SPIRE1: variants seen among roughly 807,000 people sequenced by gnomAD.
SPIRE1 encodes protein spire homolog 1.
In SPIRE1, 40 loss-of-function variants were observed where a neutral mutation model predicts 94.1. That is an observed-to-expected ratio of 0.43 (90% CI 0.33 to 0.55). The LOEUF (loss-of-function observed/expected upper bound fraction) is 0.55, where lower values mean the gene tolerates loss of function less well. Among genes scored for constraint, SPIRE1 ranks in the 20% least tolerant of loss-of-function variants. SPIRE1 has a pLI of 0.06. For missense variants in SPIRE1, 838 were observed against 975.2 expected, an observed-to-expected ratio of 0.86 and a Z score of 1.87; for synonymous variants, 376 against 371.7, an observed-to-expected ratio of 1.01 and a Z score of -0.13.
In SPIRE1 at chr18:12,525,311, T is replaced by G. The variant is rs952117454; in HGVS notation, c.729+10165A>C. Among the ~76,000 whole-genome samples, 10 of 141,266 alleles carry G rather than the reference T, an allele frequency of 7.1e-5. 1 individual carries two copies. Among genetic ancestry groups the G allele is most frequent in the Admixed American group, 1.4e-4 (2 of 13,970 alleles). The allele number at this position is 141,266 out of a possible 152,430, so 92.7% of individuals were successfully genotyped here. On this transcript the variant is annotated intron_variant, in intron 4 of 16. Transcript: ENST00000409402. ...AAAAAAAAAAAAATAATAATAATAA[T>G]AATAATAACAAAGGCTATTATTAAA...
chr18:12,636,653 T>G (rs1392408127), intron 1 of SPIRE1, among the ~76,000 whole-genome samples: 1 of 152,056 alleles, frequency 6.6e-6, no homozygotes, highest in Non-Finnish European at 1.5e-5. Flanking sequence ...AATTAAAAAT[T>G]ATATATGAGC....
intron 4 of SPIRE1, among the ~76,000 whole-genome samples, chr18:12,525,321 A>G (rs1473307255): frequency 6.7e-6 from 1 of 148,886 alleles, no homozygotes; most frequent in Non-Finnish European, 1.5e-5. Context: ...TAATAATAAC[A>G]AAGGCTATTA....
intron 4 of SPIRE1, among the ~76,000 whole-genome samples, chr18:12,532,517 T>C (rs2034713620): frequency 6.6e-6 from 1 of 152,218 alleles, no homozygotes; most frequent in Non-Finnish European, 1.5e-5. Flanking sequence ...AAATTGTTGA[T>C]ACTCAATTTT....
intron 2 of SPIRE1, among the ~76,000 whole-genome samples, chr18:12,613,199 A>G (rs2144695034): frequency 6.6e-6 from 1 of 152,336 alleles, no homozygotes; most frequent in South Asian, 2.1e-4. Flanking sequence ...TCAAGGACTT[A>G]GTAACCAAGT....
At chr18:12,520,501 G>A (rs1221264317) in intron 4 of SPIRE1, among the ~76,000 whole-genome samples, 3 of 152,150 alleles carry the variant, frequency 2.0e-5, no homozygotes, top group Non-Finnish European at 4.4e-5. Flanking sequence ...AGGTCAGAGA[G>A]AGATTTACTC....
chr18:12,489,979 A>T (rs567281593), intron 8 of SPIRE1, among the ~76,000 whole-genome samples: 2 of 152,298 alleles, frequency 1.3e-5, no homozygotes, highest in Non-Finnish European at 2.9e-5. Context: ...ACTTTTCTTC[A>T]AGTTAATTCT....
intron 2 of SPIRE1, among the ~76,000 whole-genome samples, chr18:12,628,444 T>C (rs771158009): frequency 1.4e-4 from 21 of 152,320 alleles, no homozygotes; most frequent in Non-Finnish European, 2.6e-4. Context: ...CTGTTTTGGT[T>C]ACTGTAGCCT....
intron 10 of SPIRE1, among the ~76,000 whole-genome samples, chr18:12,476,564 A>AAAAAAATAT (rs1568194404): frequency 2.3e-4 from 16 of 69,868 alleles, no homozygotes; most frequent in African/African-American, 1.1e-3. Context: ...AAAAAAAAAA[A>AAAAAAATAT]ATATATATAT....
intron 2 of SPIRE1, among the ~76,000 whole-genome samples, chr18:12,585,815 A>G (rs907970886): frequency 1.5e-4 from 23 of 152,362 alleles, no homozygotes; most frequent in African/African-American, 5.0e-4. Flanking sequence ...ATACATATAT[A>G]TTTTTCTAGG....
upstream of SPIRE1, among the ~76,000 whole-genome samples, chr18:12,659,644 T>C (rs955096798): frequency 2.6e-5 from 4 of 152,072 alleles, no homozygotes; most frequent in African/African-American, 9.7e-5. Context: ...CACTCCAGCC[T>C]GGGGGACAGA....
intron 2 of SPIRE1, among the ~76,000 whole-genome samples, chr18:12,584,825 G>T (rs1567950460): frequency 6.6e-6 from 1 of 152,054 alleles, no homozygotes; most frequent in Admixed American, 6.6e-5. Flanking sequence ...TGTTGCCCAG[G>T]CTGGAGTGCA....
intron 12 of SPIRE1, among the ~76,000 whole-genome samples, chr18:12,455,474 G>A (rs1039469203): frequency 6.6e-6 from 1 of 152,240 alleles, no homozygotes; most frequent in Middle Eastern, 3.4e-3. Flanking sequence ...AATGCTAAAT[G>A]TATAGTCAGC....
intron 2 of SPIRE1, among the ~76,000 whole-genome samples, chr18:12,630,807 C>T (rs985087681): frequency 6.6e-6 from 1 of 152,176 alleles, no homozygotes; most frequent in East Asian, 1.9e-4. Flanking sequence ...GAACAGGCTG[C>T]CCCAGAATGG....
chr18:12,514,292 T>G (rs1306465049), intron 4 of SPIRE1, among the ~76,000 whole-genome samples: 1 of 152,146 alleles, frequency 6.6e-6, no homozygotes, highest in Non-Finnish European at 1.5e-5. Flanking sequence ...ACGGGGTCTA[T>G]CTTGACCAAA....
intron 7 of SPIRE1, among the ~76,000 whole-genome samples, chr18:12,493,759 G>A (rs751118750): frequency 6.6e-6 from 1 of 152,160 alleles, no homozygotes; most frequent in African/African-American, 2.4e-5. Context: ...CTCCCAAGTG[G>A]TTGGGATTCC....
At chr18:12,515,275 G>T (rs1192834757) in intron 4 of SPIRE1, among the ~76,000 whole-genome samples, 3 of 152,062 alleles carry the variant, frequency 2.0e-5, no homozygotes, top group Admixed American at 1.3e-4. Flanking sequence ...AATATTTGGG[G>T]AAGCTGAGGC....
intron 1 of SPIRE1, among the ~76,000 whole-genome samples, chr18:12,652,531 T>C (rs962335827): frequency 1.3e-5 from 2 of 152,240 alleles, no homozygotes; most frequent in Non-Finnish European, 2.9e-5. Flanking sequence ...ACGTTATACA[T>C]AATTTAATCT....
At chr18:12,605,101 T>C (rs755469575) in intron 2 of SPIRE1, among the ~76,000 whole-genome samples, 1 of 152,194 alleles carries the variant, frequency 6.6e-6, no homozygotes, top group African/African-American at 2.4e-5. Flanking sequence ...GGAGTTGTTA[T>C]ATAATGGGTA....
chr18:12,613,254 G>A (rs1258700830), intron 2 of SPIRE1, among the ~76,000 whole-genome samples: 3 of 152,128 alleles, frequency 2.0e-5, no homozygotes, highest in South Asian at 4.1e-4. Flanking sequence ...CATTAGCAGG[G>A]TTATTCTCAT....
Sources: gnomAD v4.1 joint callset for allele counts (sites outside exome capture counted in the v4.1 genomes callset) on GRCh38, gnomAD v4.1.1 for gene constraint, MANE v1.5 for transcripts, NCBI Gene and HGNC (gene_info 2026-07-23, HGNC 2026-07-21) for gene names.